Variants in STX8 observed in about 807,000 individuals in gnomAD.
The protein encoded by STX8 is syntaxin-8.
STX8 carries 23 observed loss-of-function variants against 37.5 expected under a neutral mutation model. The ratio of observed to expected loss-of-function variants is 0.61; its 90% confidence interval spans 0.44 to 0.87. The LOEUF is 0.87. Ranked by LOEUF, STX8 falls within the 40% of genes least tolerant of loss-of-function variation. The pLI is 0.00. For synonymous variants in STX8, 115 were observed against 99.1 expected (o/e 1.16, Z -0.95); for missense variants, 313 against 284.7 (o/e 1.10, Z -0.71).
intron 2 of STX8, among the ~76,000 whole-genome samples, chr17:9,560,379 C>G (rs1907179349): frequency 9.2e-6 from 1 of 108,354 alleles, no homozygotes; most frequent in Non-Finnish European, 1.7e-5. Context: ...GCCTGGGCGA[C>G]AGAGCAAGAC....
intron 7 of STX8, among the ~76,000 whole-genome samples, chr17:9,277,721 T>C (rs1452765301): frequency 1.3e-5 from 2 of 151,922 alleles, no homozygotes; most frequent in Non-Finnish European, 2.9e-5. Context: ...AGGTGATCTG[T>C]TGAGATCTAA....
At position 9,306,423 on chromosome 17, in the gene STX8, G is replaced by A. The variant is rs148871607; in HGVS notation, c.644-55778C>T. Among the ~76,000 whole-genome samples the A allele has an allele frequency of 3.2e-3, 452 of 141,126 alleles. 4 individuals are homozygous for A. Among genetic ancestry groups the A allele is most frequent in the African/African-American group, 0.012 (420 of 33,674 alleles). 92.6% of individuals were successfully genotyped at this position (141,126 alleles called of 152,430 possible). ...TTCCTCAGCGTAGATGTTGTTCATC[G>A]TATTGGTGATTGAAGTAAATACTCA... On this transcript the variant is annotated intron_variant, in intron 7 of 7. Transcript: ENST00000306357.
intron 6 of STX8, among the ~76,000 whole-genome samples, chr17:9,413,062 G>A (rs1202215597): frequency 6.6e-6 from 1 of 152,168 alleles, no homozygotes; most frequent in Non-Finnish European, 1.5e-5. Context: ...ACTGACTGAT[G>A]GAGATACAAC....
chr17:9,475,644 C>T (rs968417013), intron 6 of STX8, among the ~76,000 whole-genome samples: 2 of 152,134 alleles, frequency 1.3e-5, no homozygotes, highest in African/African-American at 4.8e-5. Context: ...CAAAGAAGAG[C>T]CTCTAGGATA....
Position 9,457,119 on chromosome 17 carries a change from C to T in STX8, c.541+34710G>A, listed in dbSNP as rs868286345. Among the ~76,000 whole-genome samples, 6 of 152,328 alleles carry T rather than the reference C, an allele frequency of 3.9e-5. No homozygotes were observed. In the Middle Eastern group the frequency reaches 0.01, roughly 259 times the overall value. On this transcript the variant is annotated intron_variant, in intron 6 of 7. Transcript: ENST00000306357. ...GCTGAGGTTCTGCAAAGTCATCAAGCAGCCATCATTCTTTCCATCTCGTTA... is the reference window on the plus strand; with the variant it reads ...GCTGAGGTTCTGCAAAGTCATCAAGTAGCCATCATTCTTTCCATCTCGTTA...
intron 7 of STX8, among the ~76,000 whole-genome samples, chr17:9,362,840 AAAATAAAT>A (rs1555601153): frequency 7.5e-4 from 86 of 115,344 alleles, no homozygotes; most frequent in African/African-American, 1.0e-3. Flanking sequence ...AAAAAAAAAA[AAAATAAAT>A]AAATAAATAA....
chr17:9,334,163 G>A lies in STX8; in HGVS notation c.643+44389C>T, dbSNP rs938587659. 1.6e-4 allele frequency among the ~76,000 whole-genome samples: 25 copies of A among 151,888 alleles called. No homozygotes were observed. The South Asian group carries it at 1.9e-3, about 11-fold the overall frequency. On this transcript the variant is annotated intron_variant, in intron 7 of 7. Coordinates refer to ENST00000306357, the MANE Select transcript of STX8 (RefSeq NM_004853.3). ...CGGGGGGGTGTGGGGGTGGGGGGCA[G>A]TCACAAGATCAGATGGGCTGGTTTC...
intron 6 of STX8, 109 bp from the exon 7 acceptor site, chr17:9,378,762 T>C (rs888201404): frequency 3.6e-6 from 3 of 824,752 alleles, no homozygotes; most frequent in Non-Finnish European, 6.3e-6. Flanking sequence ...GTGCAGTAAC[T>C]GAAAAGGTAC....
intron 6 of STX8, among the ~76,000 whole-genome samples, chr17:9,407,358 G>A (rs1444380052): frequency 5.9e-5 from 9 of 152,008 alleles, no homozygotes; most frequent in Non-Finnish European, 1.3e-4. Flanking sequence ...AGAATAGGAG[G>A]GAGATAGAAA....
chr17:9,407,139 A>C (rs1000805583), intron 6 of STX8, among the ~76,000 whole-genome samples: 5 of 152,230 alleles, frequency 3.3e-5, no homozygotes, highest in Non-Finnish European at 7.3e-5. Flanking sequence ...GGCAATGAAG[A>C]AGCACTGGAA....
At chr17:9,410,790 C>T (rs1912951871) in intron 6 of STX8, among the ~76,000 whole-genome samples, 1 of 152,202 alleles carries the variant, frequency 6.6e-6, no homozygotes, top group Admixed American at 6.5e-5. Context: ...AACTTCATTA[C>T]ATTTTTTTCC....
intron 7 of STX8, among the ~76,000 whole-genome samples, chr17:9,313,021 T>A (rs1192202774): frequency 6.6e-6 from 1 of 151,840 alleles, no homozygotes; most frequent in Non-Finnish European, 1.5e-5. Context: ...TGAAACCCCC[T>A]CCCTACTGAA....
intron 6 of STX8, among the ~76,000 whole-genome samples, chr17:9,482,909 C>T (rs773541206): frequency 1.3e-5 from 2 of 152,048 alleles, no homozygotes; most frequent in African/African-American, 4.8e-5. Flanking sequence ...AGCGAAACTG[C>T]GTCTCAAAAA....
chr17:9,400,113 T>TG (rs1912553414), intron 6 of STX8, among the ~76,000 whole-genome samples: 1 of 150,648 alleles, frequency 6.6e-6, no homozygotes, highest in Non-Finnish European at 1.5e-5. Flanking sequence ...ATTATTTTTT[T>TG]TTTTTTTGAG....
At chr17:9,563,152 CATTTATTTATTT>C (rs55853449) in intron 2 of STX8, among the ~76,000 whole-genome samples, 6,553 of 142,052 alleles carry the variant, frequency 0.046, 451 homozygotes, top group African/African-American at 0.16. Flanking sequence ...TTCATTCATC[CATTTATTTATTT>C]ATTTATTTAT....
intron 7 of STX8, among the ~76,000 whole-genome samples, chr17:9,311,781 C>A (rs568389997): frequency 2.0e-5 from 3 of 152,082 alleles, no homozygotes; most frequent in Non-Finnish European, 4.4e-5. Flanking sequence ...AATAATACAT[C>A]GAAGTACTTG....
At chr17:9,377,225 T>A (rs1194358201) in intron 7 of STX8, among the ~76,000 whole-genome samples, 1 of 152,192 alleles carries the variant, frequency 6.6e-6, no homozygotes, top group Non-Finnish European at 1.5e-5. Context: ...CCATTACATT[T>A]TTCATATTAA....
At chr17:9,566,853 C>G (rs1172485715) in intron 2 of STX8, among the ~76,000 whole-genome samples, 1 of 152,046 alleles carries the variant, frequency 6.6e-6, no homozygotes, top group Non-Finnish European at 1.5e-5. Context: ...TTCACAATAA[C>G]AAAAGACATA....
chr17:9,417,268 A>G (rs1264285639), intron 6 of STX8, among the ~76,000 whole-genome samples: 2 of 152,184 alleles, frequency 1.3e-5, no homozygotes, highest in African/African-American at 4.8e-5. Flanking sequence ...AGAACACGTT[A>G]GATGATTACA....
Sources: allele counts gnomAD v4.1 joint callset (sites outside exome capture counted in the v4.1 genomes callset), GRCh38; gene constraint gnomAD v4.1.1; transcripts MANE v1.5; gene names NCBI Gene and HGNC (gene_info 2026-07-23, HGNC 2026-07-21).